Variants in NDUFA8 observed in about 807,000 individuals in gnomAD.
NDUFA8 encodes NADH:ubiquinone oxidoreductase subunit A8, also known as NADH dehydrogenase [ubiquinone] 1 alpha subcomplex subunit 8.
Under a neutral mutation model 20.9 loss-of-function variants are expected in NDUFA8, and 16 were observed. The observed-to-expected ratio is 0.77, with a 90% CI of 0.52 to 1.16. NDUFA8 has a LOEUF of 1.16. Among genes scored for constraint, NDUFA8 ranks in the 50% most tolerant of loss-of-function variants. NDUFA8 has a pLI of 0.00. For missense variants in NDUFA8, 202 were observed against 216.4 expected, an observed-to-expected ratio of 0.93 and a Z score of 0.42; for synonymous variants, 70 against 76.1, an observed-to-expected ratio of 0.92 and a Z score of 0.41.
intron 2 of NDUFA8, 109 bp from the exon 3 acceptor site, chr9:122,148,386 GGTAT>G: frequency 3.2e-6 from 4 of 1,249,348 alleles, no homozygotes; most frequent in Non-Finnish European, 4.7e-6. Flanking sequence ...CTTTTTGAAA[GGTAT>G]GTGAGTACAT....
chr9:122,140,068 A>G (rs1447981369), downstream of NDUFA8, among the ~76,000 whole-genome samples: 6 of 152,332 alleles, frequency 3.9e-5, no homozygotes, highest in East Asian at 9.6e-4. Flanking sequence ...GGTGATTCCA[A>G]TGTGTATCCA....
At chr9:122,152,141 C>T in intron 2 of NDUFA8, 104 bp downstream of exon 2, 2 of 1,312,210 alleles carry the variant, frequency 1.5e-6, no homozygotes, top group Admixed American at 3.5e-5. Flanking sequence ...GATTTCAAAG[C>T]CTATGTACTT....
At chr9:122,132,889 C>T in the NDUFA8 span, 2 of 455,808 alleles carry the variant, frequency 4.4e-6, no homozygotes. Context: ...CGTTGTTCTC[C>T]CAGCTCCACC....
intron 2 of NDUFA8, among the ~76,000 whole-genome samples, chr9:122,150,735 CAAG>C (rs552921487): frequency 3.9e-5 from 6 of 152,016 alleles, no homozygotes; most frequent in Admixed American, 1.3e-4. Context: ...TTTGGGAGGC[CAAG>C]GAGAGCGGAT....
At chr9:122,152,152 C>A in intron 2 of NDUFA8, 93 bp downstream of exon 2, 3 of 1,404,090 alleles carry the variant, frequency 2.1e-6, no homozygotes, top group Non-Finnish European at 3.0e-6. Context: ...CTATGTACTT[C>A]CTAATAAAAT....
downstream of NDUFA8, among the ~76,000 whole-genome samples, chr9:122,141,166 A>G (rs1564406493): frequency 6.6e-6 from 1 of 152,218 alleles, no homozygotes; most frequent in Non-Finnish European, 1.5e-5. Context: ...TATAGGCTAC[A>G]TAAGAAGAAG....
At chr9:122,152,150 T>C (rs1279257839) in intron 2 of NDUFA8, 95 bp downstream of exon 2, 4 of 1,396,444 alleles carry the variant, frequency 2.9e-6, no homozygotes, top group Admixed American at 3.4e-5. Flanking sequence ...GCCTATGTAC[T>C]TCCTAATAAA....
chr9:122,159,560 G>A, intron 1 of NDUFA8, 67 bp downstream of exon 1: 1 of 1,597,666 alleles, frequency 6.3e-7, no homozygotes, highest in Non-Finnish European at 8.6e-7. Flanking sequence ...AGCCCAAGGG[G>A]GGCTAGGCCC....
chr9:122,141,156 T>A (rs1455333839), downstream of NDUFA8, among the ~76,000 whole-genome samples: 2 of 151,940 alleles, frequency 1.3e-5, no homozygotes, highest in Admixed American at 1.3e-4. Context: ...TGCTGTAGAG[T>A]ATAGGCTACA....
the NDUFA8 span, among the ~76,000 whole-genome samples, chr9:122,138,888 A>G: frequency 6.9e-6 from 1 of 145,924 alleles, no homozygotes; most frequent in Non-Finnish European, 1.5e-5. Flanking sequence ...ATCTGAGCAG[A>G]GGACACAGCA....
rs1052220368 is a variant in NDUFA8 at position 122,159,682 on chromosome 9, G to A, written c.-5C>T. On this transcript the variant is annotated 5_prime_UTR_variant, in exon 1 of 4. Coordinates refer to ENST00000373768, the MANE Select transcript of NDUFA8 (RefSeq NM_014222.3). ...CAGCTCCACTATCCCCGGCATGACG[G>A]CTGCAGCCCCGACCCCGACGAGAAG... 6.2e-7 allele frequency: 1 copy of A among 1,614,130 alleles called. No homozygotes were observed. Among genetic ancestry groups the A allele is most frequent in the Non-Finnish European group, 8.5e-7 (1 of 1,179,992 alleles).
the NDUFA8 span, among the ~76,000 whole-genome samples, chr9:122,137,011 G>A: frequency 6.6e-6 from 1 of 151,952 alleles, no homozygotes; most frequent in Non-Finnish European, 1.5e-5. Flanking sequence ...TAATCTTCCC[G>A]ATCCATTCCT....
At chr9:122,136,625 C>T in the NDUFA8 span, among the ~76,000 whole-genome samples, 9 of 151,916 alleles carry the variant, frequency 5.9e-5, no homozygotes, top group African/African-American at 9.7e-5. Context: ...GGTGCAATCT[C>T]GGCTCATTGC....
At chr9:122,146,579 T>G (rs1192874922) in intron 3 of NDUFA8, among the ~76,000 whole-genome samples, 1 of 152,138 alleles carries the variant, frequency 6.6e-6, no homozygotes, top group Non-Finnish European at 1.5e-5. Flanking sequence ...AAGCTTATAA[T>G]CCAACCATTC....
intron 3 of NDUFA8, among the ~76,000 whole-genome samples, chr9:122,146,176 G>A (rs1828902404): frequency 6.6e-6 from 1 of 152,046 alleles, no homozygotes; most frequent in Admixed American, 6.6e-5. Context: ...TGTTGCCCAG[G>A]CTAGTCCTGA....
At chr9:122,147,777 C>G (rs75151831) in intron 3 of NDUFA8, among the ~76,000 whole-genome samples, 1 of 152,042 alleles carries the variant, frequency 6.6e-6, no homozygotes, top group Non-Finnish European at 1.5e-5. Context: ...CAGGCGCCCA[C>G]CACCACACCC....
chr9:122,143,769 C>T (rs1290208654), downstream of NDUFA8, among the ~76,000 whole-genome samples: 1 of 152,198 alleles, frequency 6.6e-6, no homozygotes, highest in African/African-American at 2.4e-5. Flanking sequence ...CTGGAGGCTC[C>T]CCTTGTATGA....
downstream of NDUFA8, among the ~76,000 whole-genome samples, chr9:122,143,860 A>G (rs1232757071): frequency 6.6e-6 from 1 of 152,188 alleles, no homozygotes; most frequent in Non-Finnish European, 1.5e-5. Context: ...ACACAGACAC[A>G]CCCCAAGGAG....
downstream of NDUFA8, among the ~76,000 whole-genome samples, chr9:122,142,746 T>C (rs780287075): frequency 4.1e-4 from 63 of 152,082 alleles, no homozygotes; most frequent in Non-Finnish European, 4.1e-4. Context: ...GTGCACAATA[T>C]TATTATTTAT....
Sources: allele counts gnomAD v4.1 joint callset (sites outside exome capture counted in the v4.1 genomes callset), GRCh38; gene constraint gnomAD v4.1.1; transcripts MANE v1.5; gene names NCBI Gene and HGNC (gene_info 2026-07-23, HGNC 2026-07-21).